Variants in YBX3 observed in about 807,000 individuals in gnomAD.
YBX3 encodes the protein Y-box binding protein 3, also known as Y-box-binding protein 3.
YBX3 carries 29 observed loss-of-function variants against 42.4 expected under a neutral mutation model. The observed-to-expected ratio is 0.68, with a 90% CI of 0.51 to 0.93. The LOEUF (loss-of-function observed/expected upper bound fraction) is 0.93, where lower values mean the gene tolerates loss of function less well. Among genes scored for constraint, YBX3 ranks in the 40% least tolerant of loss-of-function variants. The pLI is 0.00. For missense variants in YBX3, 517 were observed against 527.5 expected (o/e 0.98, Z 0.19); for synonymous variants, 195 against 189.8 (o/e 1.03, Z -0.22).
intron 6 of YBX3, among the ~76,000 whole-genome samples, chr12:10,704,663 C>T (rs1486170374): frequency 6.6e-6 from 1 of 152,176 alleles, no homozygotes; most frequent in African/African-American, 2.4e-5. Flanking sequence ...TACTGTCCTT[C>T]ATTATTTCAT....
Position 10,722,883 on chromosome 12 carries a change from C to CGGCGGTGGCTAAAGA in YBX3, c.214_228dup (p.Ser72_Ala76dup), listed in dbSNP as rs1948346904. 2.0e-6 allele frequency: 3 copies of CGGCGGTGGCTAAAGA among 1,483,858 alleles called. No homozygotes were observed. Among genetic ancestry groups the CGGCGGTGGCTAAAGA allele is most frequent in the Middle Eastern group, 1.8e-4 (1 of 5,582 alleles). 91.9% of individuals were successfully genotyped at this position (1,483,858 alleles called of 1,614,324 possible). A position where few individuals can be genotyped will look rare whatever the true frequency, so the allele number is the denominator to read the frequency against. ...TTTTTCTCCGCGTCTTCGCTGCCGG[C>CGGCGGTGGCTAAAGA]GGCGGTGGCTAAAGAGGCGGCGGCC... On this transcript the variant is annotated inframe_insertion, in exon 1 of 10. Coordinates refer to ENST00000228251, the MANE Select transcript of YBX3 (RefSeq NM_003651.5).
intron 6 of YBX3, among the ~76,000 whole-genome samples, chr12:10,705,287 G>C (rs926946046): frequency 6.6e-6 from 1 of 152,134 alleles, no homozygotes; most frequent in African/African-American, 2.4e-5. Context: ...TACAGACGGG[G>C]TTTCATCATG....
intron 3 of YBX3, chr12:10,717,878 TA>T: frequency 2.4e-6 from 1 of 408,226 alleles, no homozygotes; most frequent in Non-Finnish European, 4.3e-6. Context: ...ACTGCAAAAA[TA>T]AAACTATTTG....
In YBX3 at chr12:10,710,355, T is replaced by A. The variant is rs1948186583; in HGVS notation, c.574-241A>T. 8 of 1,413,818 alleles carry A rather than the reference T, an allele frequency of 5.7e-6. No homozygotes were observed. In the Admixed American group the frequency reaches 2.3e-4, roughly 41 times the overall value. 87.6% of individuals were successfully genotyped at this position (1,413,818 alleles called of 1,614,324 possible). On this transcript the variant is annotated intron_variant, in intron 5 of 9. Transcript: ENST00000228251. ...GAAGCAGAAAAGCAAGAGCAATCAATCTACAATCAATTTAATAGTCATCTC... is the reference window on the plus strand; with the variant it reads ...GAAGCAGAAAAGCAAGAGCAATCAAACTACAATCAATTTAATAGTCATCTC...
chr12:10,702,055 G>A lies in YBX3; in HGVS notation c.958C>T (p.Pro320Ser), dbSNP rs760720416. Reference protein sequence around the residue: ...DKENQQATSGPNQPSVRRGYR... With the variant: ...DKENQQATSGSNQPSVRRGYR... ...CCACGGCGAACAGACGGCTGGTTTGGACCACTGGTGGCTTGCTGATTTTCT... is the reference window on the plus strand; with the variant it reads ...CCACGGCGAACAGACGGCTGGTTTGAACCACTGGTGGCTTGCTGATTTTCT... The change falls in exon 8 of 10, where the codon CCA becomes TCA. Residue 320 changes from proline to serine, a missense_variant. Around this residue, in one of 3 missense-constraint regions of YBX3, gnomAD observed 420 missense variants for 408.5 expected, o/e 1.03. Coordinates refer to ENST00000228251, the MANE Select transcript of YBX3 (RefSeq NM_003651.5). The A allele has an allele frequency of 2.5e-6, 4 of 1,614,038 alleles. No homozygotes were observed. The highest frequency in any genetic ancestry group is 1.7e-6 in the Non-Finnish European group (2 of 1,180,040).
Position 10,709,946 on chromosome 12 carries a change from G to A in YBX3, c.742C>T (p.Arg248Cys), listed in dbSNP as rs760609365. The A allele has an allele frequency of 1.4e-5, 22 of 1,614,072 alleles. No homozygotes were observed. The highest frequency in any genetic ancestry group is 1.8e-5 in the Non-Finnish European group (21 of 1,180,048). ...GGATGGGGTAAGACCCGTGAGCGAC[G>A]GTCAAAGGTCTGTCCCACGTGGTAA... ...PPYHVGQTFD[R>C]RSRVLPHPNR... Residue 248 changes from arginine (R) to cysteine (C), a missense_variant, in exon 6 of 10, where the codon CGT becomes TGT. Physicochemically the swap from Arg to Cys is radical, Grantham distance 180. Around this residue, in one of 3 missense-constraint regions of YBX3, gnomAD observed 420 missense variants for 408.5 expected, o/e 1.03. Transcript: ENST00000228251.
chr12:10,706,637 G>C (rs1948140188), intron 6 of YBX3, among the ~76,000 whole-genome samples: 1 of 152,124 alleles, frequency 6.6e-6, no homozygotes, highest in Non-Finnish European at 1.5e-5. Flanking sequence ...GTGTGTCCCA[G>C]AACTTGATCC....
intron 3 of YBX3, among the ~76,000 whole-genome samples, chr12:10,716,455 A>G (rs905826165): frequency 3.3e-5 from 5 of 152,218 alleles, no homozygotes; most frequent in African/African-American, 1.2e-4. Flanking sequence ...AACAAATCCT[A>G]CATTCCCTGA....
chr12:10,722,537 C>T, intron 1 of YBX3: 2 of 221,930 alleles, frequency 9.0e-6, no homozygotes, highest in Middle Eastern at 1.4e-3. Context: ...CATTTTCCAC[C>T]ACGCGAATCC....
At chr12:10,714,022 T>C (rs372980872) in intron 4 of YBX3, among the ~76,000 whole-genome samples, 42 of 152,210 alleles carry the variant, frequency 2.8e-4, no homozygotes, top group African/African-American at 9.9e-4. Context: ...TGTAAAACCC[T>C]GAGTTCTGAA....
At chr12:10,701,032 A>T (rs550776654) in intron 9 of YBX3, among the ~76,000 whole-genome samples, 1 of 152,122 alleles carries the variant, frequency 6.6e-6, no homozygotes, top group Non-Finnish European at 1.5e-5. Context: ...AGTATCATCA[A>T]CTCTGTCTGA....
chr12:10,713,085 A>G (rs1209103008), intron 5 of YBX3, 126 bp downstream of exon 5: 1 of 1,240,848 alleles, frequency 8.1e-7, no homozygotes. Flanking sequence ...CTAAAGAAAA[A>G]ATAAAAATCA....
At chr12:10,720,971 A>G (rs751654668) in intron 1 of YBX3, 8 of 152,248 alleles carry the variant, frequency 5.3e-5, no homozygotes, top group Non-Finnish European at 1.2e-4. Context: ...ATAGATTTCC[A>G]TAACATTTAT....
At chr12:10,704,342 T>C in intron 6 of YBX3, 194 bp from the exon 7 acceptor site, 1 of 523,608 alleles carries the variant, frequency 1.9e-6, no homozygotes, top group Non-Finnish European at 3.4e-6. Flanking sequence ...ACAAACCTAG[T>C]CTGACTAGAA....
chr12:10,715,474 T>C (rs1052887203), intron 4 of YBX3, among the ~76,000 whole-genome samples: 4 of 151,786 alleles, frequency 2.6e-5, no homozygotes, highest in Non-Finnish European at 4.4e-5. Flanking sequence ...TGAACCTGGA[T>C]GGTGGAAGTT....
intron 8 of YBX3, 123 bp downstream of exon 8, chr12:10,701,837 G>A: frequency 8.5e-7 from 1 of 1,182,022 alleles, no homozygotes; most frequent in African/African-American, 1.5e-5. Flanking sequence ...TATGGATCTT[G>A]AGCAAAATGT....
In YBX3 at chr12:10,709,818, CA is replaced by C. The variant is rs1196600844; in HGVS notation, c.780+89del. 5.4e-6 allele frequency: 8 copies of C among 1,486,590 alleles called. No homozygotes were observed. The East Asian group carries it at 1.8e-4, about 34-fold the overall frequency. 92.1% of individuals were successfully genotyped at this position (1,486,590 alleles called of 1,614,324 possible). A position where few individuals can be genotyped will look rare whatever the true frequency, so the allele number is the denominator to read the frequency against. On this transcript the variant is annotated intron_variant, in intron 6 of 9. Coordinates refer to ENST00000228251, the MANE Select transcript of YBX3 (RefSeq NM_003651.5). ...AGGAAGCCATAAGCAAGGTTTCTGGCAGCTGATGTTGGAGGAGGAGGAGGAA... is the reference window on the plus strand; with the variant it reads ...AGGAAGCCATAAGCAAGGTTTCTGGCGCTGATGTTGGAGGAGGAGGAGGAA...
In YBX3 at chr12:10,701,309, G is replaced by A; in HGVS notation, c.1098C>T (p.Thr366=). ...GGTGTTACTCAGCACTGCTCTGCTGGGTGGGTGGAGCAGGGTTCTCAGTTG... is the reference window on the plus strand; with the variant it reads ...GGTGTTACTCAGCACTGCTCTGCTGAGTGGGTGGAGCAGGGTTCTCAGTTG... ...EAPTENPAPP[T]QQSSAE The change falls in exon 9 of 10, where the codon ACC becomes ACT. Residue 366 remains threonine (T), a synonymous_variant. Transcript: ENST00000228251. The A allele has an allele frequency of 1.3e-6, 1 of 780,922 alleles. No individual in the cohort carries two copies. The highest frequency in any genetic ancestry group is 2.4e-6 in the Non-Finnish European group (1 of 418,126). The allele number at this position is 780,922 out of a possible 1,614,324, so 48.4% of individuals were successfully genotyped here. A position where few individuals can be genotyped will look rare whatever the true frequency, so the allele number is the denominator to read the frequency against.
Position 10,722,970 on chromosome 12 carries a change from G to A in YBX3, c.142C>T (p.Pro48Ser). 8.0e-7 allele frequency: 1 copy of A among 1,242,260 alleles called. No individual in the cohort carries two copies. 77.0% of individuals were successfully genotyped at this position (1,242,260 alleles called of 1,614,324 possible). The change falls in exon 1 of 10, where the codon CCC (proline) becomes TCC (serine). Residue 48 changes from proline to serine, a missense_variant. Physicochemically the swap from Pro to Ser is moderately conservative, Grantham distance 74. Around this residue, in one of 3 missense-constraint regions of YBX3, gnomAD observed 86 missense variants for 82.5 expected, o/e 1.04. Coordinates refer to ENST00000228251, the MANE Select transcript of YBX3 (RefSeq NM_003651.5). ...GGGTTTCCTGCGACGTGGGCGGCGG[G>A]CGCCGGGGCCGCGGCCTGGGGCGCA... ...SGAPQAAAPAPAAHVAGNPGG... is the reference protein window; with the variant it reads ...SGAPQAAAPASAAHVAGNPGG...
Sources: allele counts gnomAD v4.1 joint callset (sites outside exome capture counted in the v4.1 genomes callset), GRCh38; gene constraint gnomAD v4.1.1; regional missense constraint gnomAD v4.1.1; transcripts MANE v1.5; gene names NCBI Gene and HGNC (gene_info 2026-07-23, HGNC 2026-07-21).